Variants in MACROD2 observed in about 807,000 individuals in gnomAD.
The protein encoded by MACROD2 is ADP-ribose glycohydrolase MACROD2.
MACROD2 carries 36 observed loss-of-function variants against 70.4 expected under a neutral mutation model. That is an observed-to-expected ratio of 0.51 (90% CI 0.39 to 0.68). The LOEUF is 0.68. Ranked by LOEUF, MACROD2 falls within the 30% of genes least tolerant of loss-of-function variation. The pLI is 0.00. For missense variants in MACROD2, 496 were observed against 538.4 expected (o/e 0.92, Z 0.78); for synonymous variants, 172 against 178.8 (o/e 0.96, Z 0.30).
At chr20:14,182,527 G>T (rs1229763055) in intron 3 of MACROD2, among the ~76,000 whole-genome samples, 2 of 152,010 alleles carry the variant, frequency 1.3e-5, no homozygotes, top group Non-Finnish European at 2.9e-5. Flanking sequence ...CTGTACCTTT[G>T]TTGTATATAA....
intron 3 of MACROD2, among the ~76,000 whole-genome samples, chr20:14,435,780 C>T (rs2122942534): frequency 6.6e-6 from 1 of 150,980 alleles, no homozygotes; most frequent in South Asian, 2.1e-4. Context: ...GATCTTGTTT[C>T]ACTGCAACCT....
intron 5 of MACROD2, among the ~76,000 whole-genome samples, chr20:14,778,484 A>G (rs2072260849): frequency 6.6e-6 from 1 of 152,012 alleles, no homozygotes. Flanking sequence ...TATCTGAAAA[A>G]TGAATCCTCA....
At chr20:15,160,573 A>G (rs1460066942) in intron 5 of MACROD2, among the ~76,000 whole-genome samples, 1 of 152,056 alleles carries the variant, frequency 6.6e-6, no homozygotes, top group Non-Finnish European at 1.5e-5. Flanking sequence ...CTCCTATTCT[A>G]TGGCAGGCAT....
At chr20:15,316,365 C>G (rs1385868824) in intron 6 of MACROD2, among the ~76,000 whole-genome samples, 1 of 151,820 alleles carries the variant, frequency 6.6e-6, no homozygotes, top group African/African-American at 2.4e-5. Flanking sequence ...ATATTCCATG[C>G]AAGTAGTAAC....
chr20:14,108,150 T>G (rs563469651), intron 3 of MACROD2, among the ~76,000 whole-genome samples: 1 of 151,864 alleles, frequency 6.6e-6, no homozygotes, highest in East Asian at 1.9e-4. Flanking sequence ...AGTTATTAGT[T>G]TTTTTTTCTT....
At chr20:15,275,516 G>C (rs184603657) in intron 6 of MACROD2, among the ~76,000 whole-genome samples, 1 of 152,172 alleles carries the variant, frequency 6.6e-6, no homozygotes. Flanking sequence ...ACTCAAAGTA[G>C]ACTGGGCATC....
intron 3 of MACROD2, among the ~76,000 whole-genome samples, chr20:14,272,342 A>G (rs1395017629): frequency 6.6e-6 from 1 of 152,192 alleles, no homozygotes; most frequent in East Asian, 1.9e-4. Context: ...GCAATATTCA[A>G]CATTCTTAAA....
At chr20:15,646,502 G>A (rs1320868053) in intron 8 of MACROD2, among the ~76,000 whole-genome samples, 1 of 152,190 alleles carries the variant, frequency 6.6e-6, no homozygotes, top group African/African-American at 2.4e-5. Flanking sequence ...AAAGTCAACT[G>A]AGGCTTGGAG....
chr20:14,103,637 T>C (rs1371317727), intron 3 of MACROD2, among the ~76,000 whole-genome samples: 1 of 152,218 alleles, frequency 6.6e-6, no homozygotes, highest in Admixed American at 6.5e-5. Context: ...GTGTTTATGC[T>C]TCTGGTTATT....
At chr20:14,088,214 C>T (rs180917643) in intron 3 of MACROD2, among the ~76,000 whole-genome samples, 272 of 151,416 alleles carry the variant, frequency 1.8e-3, no homozygotes, top group African/African-American at 6.3e-3. Context: ...CTGTAAGTCC[C>T]AGCTACTCGG....
chr20:14,842,376 T>C (rs776579888), intron 5 of MACROD2, among the ~76,000 whole-genome samples: 1 of 152,080 alleles, frequency 6.6e-6, no homozygotes, highest in Non-Finnish European at 1.5e-5. Context: ...ACCTTTTTTC[T>C]GAAGTCTCCC....
At chr20:15,338,685 G>A (rs550356503) in intron 6 of MACROD2, among the ~76,000 whole-genome samples, 3 of 147,802 alleles carry the variant, frequency 2.0e-5, no homozygotes, top group South Asian at 4.2e-4. Context: ...AACAGGCCTA[G>A]GGGGGTAAGT....
chr20:15,761,804 T>C (rs1460196902), intron 8 of MACROD2, among the ~76,000 whole-genome samples: 1 of 152,132 alleles, frequency 6.6e-6, no homozygotes, highest in Non-Finnish European at 1.5e-5. Context: ...CAAAAGAAAA[T>C]AATGCCTGCC....
At chr20:14,246,221 G>C (rs542214987) in intron 3 of MACROD2, among the ~76,000 whole-genome samples, 28 of 152,296 alleles carry the variant, frequency 1.8e-4, no homozygotes, top group African/African-American at 6.5e-4. Flanking sequence ...GCAGCCATTT[G>C]TAACACTTCA....
intron 5 of MACROD2, among the ~76,000 whole-genome samples, chr20:15,108,865 A>T (rs770969618): frequency 6.6e-6 from 1 of 151,660 alleles, no homozygotes; most frequent in Non-Finnish European, 1.5e-5. Flanking sequence ...AGGGTCAGGA[A>T]AGTTAGATAA....
In MACROD2 at chr20:15,719,326, GCAGCAAACTAA is replaced by G. The variant is rs747947793; in HGVS notation, c.646-143415_646-143405del. ...ACTTTGCCGACTCTAAGAAGGTACTGCAGCAAACTAACAGAAATTTACTTGTTTTCAGCATG... is the reference window on the plus strand; with the variant it reads ...ACTTTGCCGACTCTAAGAAGGTACTGCAGAAATTTACTTGTTTTCAGCATG... On this transcript the variant is annotated intron_variant, in intron 8 of 17. Coordinates refer to ENST00000684519, the MANE Select transcript of MACROD2 (RefSeq NM_001351661.2). Among the ~76,000 whole-genome samples, 21 of 152,290 alleles carry G rather than the reference GCAGCAAACTAA, an allele frequency of 1.4e-4. No homozygotes were observed. The South Asian group carries it at 2.5e-3, about 18-fold the overall frequency.
intron 4 of MACROD2, among the ~76,000 whole-genome samples, chr20:14,633,734 C>T (rs1003802976): frequency 3.3e-5 from 5 of 152,156 alleles, no homozygotes; most frequent in African/African-American, 9.7e-5. Flanking sequence ...AAACGACCTC[C>T]CTCTTGAGTT....
chr20:15,363,965 A>G (rs185149787), intron 6 of MACROD2, among the ~76,000 whole-genome samples: 1,552 of 152,304 alleles, frequency 0.01, 7 homozygotes, highest in Middle Eastern at 0.02. Flanking sequence ...ATTTGTTTAC[A>G]TGAGCTATCC....
intron 5 of MACROD2, among the ~76,000 whole-genome samples, chr20:15,070,044 G>T (rs2075607048): frequency 6.6e-6 from 1 of 152,170 alleles, no homozygotes; most frequent in Non-Finnish European, 1.5e-5. Context: ...CACAGAGGCT[G>T]CACCCTACAA....
Sources: allele counts gnomAD v4.1 joint callset (sites outside exome capture counted in the v4.1 genomes callset), GRCh38; gene constraint gnomAD v4.1.1; transcripts MANE v1.5; gene names NCBI Gene and HGNC (gene_info 2026-07-23, HGNC 2026-07-21).